Variants in TPRA1 observed in about 807,000 individuals in gnomAD.
TPRA1 encodes the protein transmembrane protein adipocyte associated 1.
Under a neutral mutation model 40.1 loss-of-function variants are expected in TPRA1, and 28 were observed. That is an observed-to-expected ratio of 0.70 (90% CI 0.52 to 0.96). The LOEUF is 0.96. TPRA1 is among the 40% of genes least tolerant of loss of function. The probability of loss-of-function intolerance (pLI) is 0.00; values close to 1 mark genes in which losing one functional copy is unlikely to be tolerated. For missense variants in TPRA1, 441 were observed against 482.6 expected, an observed-to-expected ratio of 0.91 and a Z score of 0.81; for synonymous variants, 219 against 209.7, an observed-to-expected ratio of 1.04 and a Z score of -0.38.
chr3:127,585,078 A>G (rs866644831), intron 1 of TPRA1, among the ~76,000 whole-genome samples: 3 of 152,192 alleles, frequency 2.0e-5, no homozygotes, highest in African/African-American at 2.4e-5. Context: ...CTGCATAGAT[A>G]AAAATAATCT....
upstream of TPRA1, chr3:127,591,921 T>C (rs980611380): frequency 2.0e-5 from 3 of 152,146 alleles, no homozygotes; most frequent in Non-Finnish European, 4.4e-5. Context: ...TGGAATGAGA[T>C]TGGGTCCCAT....
chr3:127,584,447 T>TAA (rs1163065087), intron 1 of TPRA1, among the ~76,000 whole-genome samples: 2,808 of 20,788 alleles, frequency 0.14, 917 homozygotes, highest in Middle Eastern at 0.14. Context: ...AGACCCTGTC[T>TAA]AAAAAAAAAA....
chr3:127,573,325 G>T lies in TPRA1; in HGVS notation c.*196C>A. On this transcript the variant is annotated 3_prime_UTR_variant, in exon 11 of 11. Coordinates refer to ENST00000355552, the MANE Select transcript of TPRA1 (RefSeq NM_001136053.4). ...TGAGAGCAGGTGGGAAGGGGAGGAG[G>T]GTCCCCAGTGAGAGCAGAGATGGCA... The T allele has an allele frequency of 1.6e-6, 1 of 633,068 alleles. No homozygotes were observed. Among genetic ancestry groups the T allele is most frequent in the Non-Finnish European group, 2.6e-6 (1 of 381,726 alleles). 39.2% of individuals were successfully genotyped at this position (633,068 alleles called of 1,614,324 possible).
chr3:127,586,619 A>G (rs574584941), intron 1 of TPRA1, among the ~76,000 whole-genome samples: 2 of 152,320 alleles, frequency 1.3e-5, no homozygotes, highest in South Asian at 4.1e-4. Flanking sequence ...TGAGCCTCCC[A>G]AAGTGCTGAG....
chr3:127,573,405 G>C lies in TPRA1; in HGVS notation c.*116C>G. The C allele has an allele frequency of 7.3e-7, 1 of 1,362,400 alleles. No homozygotes were observed. The highest frequency in any genetic ancestry group is 1.4e-5 in the African/African-American group (1 of 68,966). 84.4% of individuals were successfully genotyped at this position (1,362,400 alleles called of 1,614,324 possible). On this transcript the variant is annotated 3_prime_UTR_variant, in exon 11 of 11. Transcript: ENST00000355552. Reference sequence around the variant, plus strand: ...GCCTCCAGACTCATGGTGGGAACAGGGCCACACAGGGCTACTGCCCACAGA... The same window carrying C: ...GCCTCCAGACTCATGGTGGGAACAGCGCCACACAGGGCTACTGCCCACAGA...
chr3:127,594,281 C>G (rs2107678436), upstream of TPRA1, among the ~76,000 whole-genome samples: 1 of 152,312 alleles, frequency 6.6e-6, no homozygotes, highest in South Asian at 2.1e-4. Context: ...GAGTGCTGCT[C>G]TGACCCACAT....
intron 2 of TPRA1, 48 bp from the exon 3 acceptor site, chr3:127,579,920 A>T: frequency 1.9e-6 from 3 of 1,609,384 alleles, no homozygotes; most frequent in Non-Finnish European, 2.5e-6. Context: ...CCACATATGC[A>T]CCCCCTCTCC....
upstream of TPRA1, chr3:127,591,113 C>A (rs993572731): frequency 7.9e-5 from 12 of 152,158 alleles, no homozygotes; most frequent in Non-Finnish European, 1.8e-4. Flanking sequence ...CGGGGCGGAG[C>A]CTCCGGGGAC....
intron 8 of TPRA1, 46 bp from the exon 9 acceptor site, chr3:127,575,551 C>T: frequency 1.3e-6 from 2 of 1,491,782 alleles, no homozygotes; most frequent in Admixed American, 2.4e-5. Flanking sequence ...CCTGGACAGG[C>T]CAGGCTCTGC....
At chr3:127,596,082 A>G (rs1162852032) in intron 1 of TPRA1, among the ~76,000 whole-genome samples, 1 of 151,698 alleles carries the variant, frequency 6.6e-6, no homozygotes, top group African/African-American at 2.4e-5. Context: ...ATCCCAGGAT[A>G]ATTTTTTTTT....
Position 127,579,830 on chromosome 3 carries a change from G to C in TPRA1, c.168C>G (p.Leu56=), listed in dbSNP as rs751007501. Residue 56 remains leucine, a synonymous_variant, in exon 3 of 11, where the codon CTC becomes CTG. Transcript: ENST00000355552. ...GCTTCCAGAGCAGGAAGATGAGGAA[G>C]AGCACATTGGGGATGAGCAGCAAGA... The part of the protein sequence containing the change: ...WDLLLLIPNV[L]FLIFLLWKLP... 6.2e-7 allele frequency: 1 copy of C among 1,614,044 alleles called. No homozygotes were observed. The highest frequency in any genetic ancestry group is 8.5e-7 in the Non-Finnish European group (1 of 1,180,030).
intron 10 of TPRA1, 111 bp from the exon 11 acceptor site, chr3:127,573,899 C>T: frequency 7.3e-7 from 1 of 1,367,088 alleles, no homozygotes; most frequent in Non-Finnish European, 9.7e-7. Flanking sequence ...CAACAGTCGC[C>T]TGACACCCAC....
intron 1 of TPRA1, among the ~76,000 whole-genome samples, chr3:127,584,097 A>G (rs907371133): frequency 2.0e-5 from 3 of 151,862 alleles, no homozygotes; most frequent in Non-Finnish European, 2.9e-5. Context: ...GGTGAAGCCA[A>G]CAACAAGCAT....
Position 127,575,953 on chromosome 3 carries a change from C to T in TPRA1, c.596G>A (p.Cys199Tyr), listed in dbSNP as rs1442792558. The T allele has an allele frequency of 1.2e-6, 2 of 1,613,980 alleles. No individual in the cohort carries two copies. The highest frequency in any genetic ancestry group is 2.7e-5 in the African/African-American group (2 of 75,060). Residue 199 changes from cysteine (C) to tyrosine (Y), a missense_variant, in exon 7 of 11, where the codon TGC becomes TAC. Cys to Tyr is a radical substitution (Grantham distance 194). Transcript: ENST00000355552. The part of the protein sequence containing the change: ...GGRQFWLVSS[C>Y]FFFLVYSLVV... Reference sequence around the variant, plus strand: ...CCTGAACCTCACCAGGAAGAAGAAGCAGGAGCTGACCAGCCAGAACTGGCG... The same window carrying T: ...CCTGAACCTCACCAGGAAGAAGAAGTAGGAGCTGACCAGCCAGAACTGGCG...
Position 127,575,247 on chromosome 3 carries a change from G to GACAA in TPRA1, c.791_792insTTGT (p.Phe265CysfsTer86), listed in dbSNP as rs1559831860. 1 of 1,613,880 alleles carries GACAA rather than the reference G, an allele frequency of 6.2e-7. No homozygotes were observed. Among genetic ancestry groups the GACAA allele is most frequent in the Admixed American group, 1.7e-5 (1 of 60,006 alleles). Reference sequence around the variant, plus strand: ...GAGCGAAGAAGCTGAAGTACAGGAAGGTTGTGGCATCTACACAGCTGCGGA... The same window carrying GACAA: ...GAGCGAAGAAGCTGAAGTACAGGAAGACAAGTTGTGGCATCTACACAGCTGCGGA... On this transcript the variant is annotated frameshift_variant, in exon 10 of 11. Transcript: ENST00000355552. LOFTEE classifies it high-confidence loss of function.
upstream of TPRA1, chr3:127,595,690 G>A (rs1409478396): frequency 1.3e-5 from 2 of 152,174 alleles, no homozygotes; most frequent in African/African-American, 4.8e-5. Context: ...CTCACTTCTC[G>A]CTAAGAGAAT....
At position 127,575,510 on chromosome 3, in the gene TPRA1, G is replaced by A. The variant is rs1576366729; in HGVS notation, c.671-5C>T. 1 of 1,551,914 alleles carries A rather than the reference G, an allele frequency of 6.4e-7. No individual in the cohort carries two copies. Among genetic ancestry groups the A allele is most frequent in the Non-Finnish European group, 8.7e-7 (1 of 1,150,744 alleles). On this transcript the variant is annotated splice_polypyrimidine_tract_variant and splice_region_variant and intron_variant, in intron 8 of 10. Transcript: ENST00000355552. Reference sequence around the variant, plus strand: ...ACACGTAGAAGCTCCTCCGAGCTGGGGGCCGGACAGGGTGGGTCGTGAGGT... The same window carrying A: ...ACACGTAGAAGCTCCTCCGAGCTGGAGGCCGGACAGGGTGGGTCGTGAGGT...
intron 1 of TPRA1, 27 bp from the exon 2 acceptor site, chr3:127,580,190 G>A (rs898610121): frequency 6.3e-7 from 1 of 1,599,722 alleles, no homozygotes; most frequent in Non-Finnish European, 8.5e-7. Context: ...CGCCCAGTGA[G>A]CTGTGTGGCC....
chr3:127,582,982 A>G (rs1159716954), intron 1 of TPRA1, among the ~76,000 whole-genome samples: 2 of 151,772 alleles, frequency 1.3e-5, no homozygotes, highest in African/African-American at 4.8e-5. Context: ...TGTCTCTACT[A>G]AAAATACAAA....
Sources: gnomAD v4.1 joint callset for allele counts (sites outside exome capture counted in the v4.1 genomes callset) on GRCh38, gnomAD v4.1.1 for gene constraint, MANE v1.5 for transcripts, NCBI Gene and HGNC (gene_info 2026-07-23, HGNC 2026-07-21) for gene names.